Variants in NUGGC observed in about 807,000 individuals in gnomAD.
NUGGC encodes the protein nuclear GTPase SLIP-GC.
Under a neutral mutation model 92.6 loss-of-function variants are expected in NUGGC, and 58 were observed. The observed-to-expected ratio is 0.63, with a 90% CI of 0.51 to 0.78. The LOEUF (loss-of-function observed/expected upper bound fraction) is 0.78. Among genes scored for constraint, NUGGC ranks in the 30% least tolerant of loss-of-function variants. NUGGC has a pLI of 0.00. For missense variants in NUGGC, 925 were observed against 964.6 expected, an observed-to-expected ratio of 0.96 and a Z score of 0.54; for synonymous variants, 376 against 366.4, an observed-to-expected ratio of 1.03 and a Z score of -0.30.
At chr8:28,073,721 G>A (rs17058568) in intron 2 of NUGGC, among the ~76,000 whole-genome samples, 26,127 of 152,042 alleles carry the variant, frequency 0.17, 2,393 homozygotes, top group African/African-American at 0.22. Flanking sequence ...CTCCTTCTAC[G>A]GAAAGCCGCC....
chr8:28,049,187 A>G (rs1334439745), intron 10 of NUGGC, among the ~76,000 whole-genome samples: 1 of 152,174 alleles, frequency 6.6e-6, no homozygotes, highest in Non-Finnish European at 1.5e-5. Flanking sequence ...AGCTATAAGC[A>G]CGTGTAGTTA....
chr8:28,029,218 C>T (rs1443893822), intron 17 of NUGGC, 48 bp downstream of exon 17: 5 of 1,572,096 alleles, frequency 3.2e-6, no homozygotes, highest in Non-Finnish European at 4.3e-6. Flanking sequence ...TCCTCTCCTC[C>T]CCCGGAGCCT....
chr8:28,071,720 G>C (rs1044008233), intron 2 of NUGGC, among the ~76,000 whole-genome samples: 3 of 152,154 alleles, frequency 2.0e-5, no homozygotes, highest in Non-Finnish European at 4.4e-5. Flanking sequence ...CCCTGGTCAT[G>C]TTTACCTGGC....
rs1809853018 is a variant in NUGGC, at chr8:28,046,951, G to A, written c.1312+556C>T. 2.0e-5 allele frequency among the ~76,000 whole-genome samples: 3 copies of A among 151,898 alleles called. No individual in the cohort carries two copies. The South Asian group carries it at 6.2e-4, about 32-fold the overall frequency. ...CCCAAAGTGCTGGGATTACAGGCAT[G>A]AACCAACATGCCTGGCTTTTTTTGT... On this transcript the variant is annotated intron_variant, in intron 11 of 18. Coordinates refer to ENST00000413272, the MANE Select transcript of NUGGC (RefSeq NM_001010906.2).
At chr8:28,037,943 A>T (rs1156962872) in intron 13 of NUGGC, among the ~76,000 whole-genome samples, 3 of 152,204 alleles carry the variant, frequency 2.0e-5, no homozygotes, top group Admixed American at 1.3e-4. Context: ...CCCAGATATC[A>T]ATCATGCTGA....
chr8:28,077,482 C>T (rs1162853430), intron 1 of NUGGC, among the ~76,000 whole-genome samples: 3 of 151,858 alleles, frequency 2.0e-5, no homozygotes, highest in Admixed American at 2.0e-4. Context: ...TGGGAGGATC[C>T]CTTGAACCCT....
intron 17 of NUGGC, 38 bp from the exon 18 acceptor site, chr8:28,027,090 A>C: frequency 6.7e-7 from 1 of 1,499,916 alleles, no homozygotes; most frequent in Non-Finnish European, 9.3e-7. Flanking sequence ...AGGATGGTGC[A>C]GCCCAAGGAA....
chr8:28,062,550 G>A (rs934759946), intron 7 of NUGGC, among the ~76,000 whole-genome samples: 2 of 152,154 alleles, frequency 1.3e-5, no homozygotes, highest in South Asian at 2.1e-4. Context: ...CCAGGAGGTC[G>A]AGGTTGCAGT....
intron 14 of NUGGC, 106 bp from the exon 15 acceptor site, chr8:28,031,487 A>G: frequency 1.8e-6 from 2 of 1,094,542 alleles, no homozygotes; most frequent in African/African-American, 1.6e-5. Flanking sequence ...GAGAAGGAAG[A>G]TGAAATCTAA....
At chr8:28,061,546 G>C (rs1585589051) in intron 7 of NUGGC, among the ~76,000 whole-genome samples, 1 of 152,316 alleles carries the variant, frequency 6.6e-6, no homozygotes, top group Non-Finnish European at 1.5e-5. Context: ...TTTTTAACTA[G>C]TAGAGGTTTT....
Position 28,063,838 on chromosome 8 carries a change from C to G in NUGGC, c.921+684G>C, listed in dbSNP as rs376369987. Among the ~76,000 whole-genome samples the G allele has an allele frequency of 1.1e-3, 165 of 152,294 alleles. 7 individuals are homozygous for G. The South Asian group carries it at 0.034, about 31-fold the overall frequency. ...CTGCTCACAACTCACTGATGCTGGTCCCCCTCTCCCAGTCCCCTTCCAGCT... is the reference window on the plus strand; with the variant it reads ...CTGCTCACAACTCACTGATGCTGGTGCCCCTCTCCCAGTCCCCTTCCAGCT... On this transcript the variant is annotated intron_variant, in intron 7 of 18. Coordinates refer to ENST00000413272, the MANE Select transcript of NUGGC (RefSeq NM_001010906.2).
intron 6 of NUGGC, 23 bp downstream of exon 6, chr8:28,067,491 G>A (rs1308536225): frequency 2.1e-5 from 32 of 1,518,062 alleles, no homozygotes; most frequent in Non-Finnish European, 2.9e-5. Context: ...ATGAAATCAA[G>A]GAAAAAACGA....
intron 6 of NUGGC, among the ~76,000 whole-genome samples, 171 bp from the exon 7 acceptor site, chr8:28,064,902 C>T (rs571426022): frequency 9.9e-5 from 15 of 152,230 alleles, no homozygotes; most frequent in Non-Finnish European, 2.1e-4. Context: ...CCAGGAAGGA[C>T]CCTGGAGAGG....
At chr8:28,040,950 A>T in intron 13 of NUGGC, 101 bp downstream of exon 13, 1 of 1,233,038 alleles carries the variant, frequency 8.1e-7, no homozygotes, top group Non-Finnish European at 1.1e-6. Flanking sequence ...CGGCCCGCTA[A>T]CTCTTTACCT....
At chr8:28,044,140 C>T (rs1233771380) in intron 12 of NUGGC, among the ~76,000 whole-genome samples, 1 of 152,106 alleles carries the variant, frequency 6.6e-6, no homozygotes, top group African/African-American at 2.4e-5. Context: ...CCTTGCCACC[C>T]CACAGGGTCA....
chr8:28,070,398 G>A (rs1483026120), intron 2 of NUGGC, 42 bp from the exon 3 acceptor site: 14 of 1,109,616 alleles, frequency 1.3e-5, no homozygotes, highest in Middle Eastern at 2.5e-4. Flanking sequence ...AGGTGTTGGG[G>A]TATGGTATTC....
Position 28,032,034 on chromosome 8 carries a change from A to G in NUGGC, c.1770-653T>C, listed in dbSNP as rs117346981. Among the ~76,000 whole-genome samples the G allele has an allele frequency of 6.0e-4, 92 of 152,322 alleles. 2 individuals carry two copies. In the East Asian group the frequency reaches 0.015, roughly 26 times the overall value. ...AGCTAATGCCTGCCAAGTGCTTAGC[A>G]CTGGTGGCCAGGACAGGTAGCTGCT... On this transcript the variant is annotated intron_variant, in intron 14 of 18. Transcript: ENST00000413272.
chr8:28,035,508 G>C (rs1221451903), intron 13 of NUGGC, among the ~76,000 whole-genome samples: 1 of 152,126 alleles, frequency 6.6e-6, no homozygotes, highest in East Asian at 1.9e-4. Context: ...CTGGCCTCAG[G>C]CGGGGGCCTT....
chr8:28,029,490 T>A, intron 16 of NUGGC, 88 bp from the exon 17 acceptor site: 2 of 1,470,112 alleles, frequency 1.4e-6, no homozygotes, highest in South Asian at 2.5e-5. Flanking sequence ...GGCTCACACC[T>A]GTAATCCCAG....
Sources: allele counts gnomAD v4.1 joint callset (sites outside exome capture counted in the v4.1 genomes callset), GRCh38; gene constraint gnomAD v4.1.1; transcripts MANE v1.5; gene names NCBI Gene and HGNC (gene_info 2026-07-23, HGNC 2026-07-21).